Variants in IRS2 observed in about 807,000 individuals in gnomAD.
IRS2 encodes the protein insulin receptor substrate 2.
IRS2 carries 28 observed loss-of-function variants against 70.9 expected under a neutral mutation model. That is an observed-to-expected ratio of 0.39 (90% confidence interval 0.29 to 0.54). IRS2 has a LOEUF of 0.54. IRS2 is among the 20% of genes least tolerant of loss of function. The probability of loss-of-function intolerance (pLI) is 0.59; values close to 1 mark genes in which losing one functional copy is unlikely to be tolerated. For synonymous variants in IRS2, 1,217 were observed against 981.9 expected (o/e 1.24, Z -4.48); for missense variants, 2,081 against 2,024.1 (o/e 1.03, Z -0.54).
At chr13:109,759,616 A>G (rs1877184551) in intron 1 of IRS2, among the ~76,000 whole-genome samples, 1 of 152,186 alleles carries the variant, frequency 6.6e-6, no homozygotes, top group South Asian at 2.1e-4. Context: ...TAGAGAAAGA[A>G]GGTCTAAGAC....
At chr13:109,768,936 G>C (rs1046177406) in intron 1 of IRS2, among the ~76,000 whole-genome samples, 5 of 152,152 alleles carry the variant, frequency 3.3e-5, no homozygotes, top group African/African-American at 7.2e-5. Context: ...CCTACGCATA[G>C]GTTATTGGGA....
intron 1 of IRS2, among the ~76,000 whole-genome samples, chr13:109,781,437 C>A (rs1877695231): frequency 6.6e-6 from 1 of 152,186 alleles, no homozygotes; most frequent in Non-Finnish European, 1.5e-5. Flanking sequence ...TCACCCCTTC[C>A]GAGAAAAACA....
In IRS2 at chr13:109,783,302, C is replaced by T. The variant is rs1441639943; in HGVS notation, c.2752G>A (p.Glu918Lys). Reference protein sequence around the residue: ...PLPPEPKSPGEYINIDFGEPG... With the variant: ...PLPPEPKSPGKYINIDFGEPG... ...TCGCCAAAGTCGATGTTGATGTACT[C>T]GCCGGGGCTCTTGGGCTCCGGTGGC... Residue 918 changes from glutamate to lysine, a missense_variant, in exon 1 of 2, where the codon GAG (glutamate) becomes AAG (lysine). Physicochemically the swap from Glu to Lys is moderately conservative, Grantham distance 56 (BLOSUM62 1). Around this residue, in one of 4 missense-constraint regions of IRS2, gnomAD observed 1,615 missense variants for 1,459.5 expected, o/e 1.11. Transcript: ENST00000375856. The T allele has an allele frequency of 2.0e-6, 3 of 1,537,826 alleles. No individual in the cohort carries two copies. The highest frequency in any genetic ancestry group is 1.7e-6 in the Non-Finnish European group (2 of 1,151,702).
rs1877794048 is a variant in IRS2 at position 109,783,505 on chromosome 13, G to A, written c.2549C>T (p.Ala850Val). 3.2e-6 allele frequency: 5 copies of A among 1,546,954 alleles called. No individual in the cohort carries two copies. The South Asian group carries it at 3.6e-5, about 11-fold the overall frequency. ...EPQATPGPSQ[A>V]ASAFGAGPTQ... The stretch of plus-strand genomic sequence containing the variant: ...GGGGCCGGCCCCGAAGGCGCTGGCC[G>A]CCTGGCTGGGCCCTGGCGTGGCCTG... The change falls in exon 1 of 2, where the codon GCG becomes GTG. Residue 850 changes from alanine (A) to valine (V), a missense_variant. Ala to Val is a moderately conservative substitution (Grantham distance 64). Around this residue, in one of 4 missense-constraint regions of IRS2, gnomAD observed 1,615 missense variants for 1,459.5 expected, o/e 1.11. Transcript: ENST00000375856.
chr13:109,779,527 C>T (rs1413689460), intron 1 of IRS2, among the ~76,000 whole-genome samples: 1 of 152,184 alleles, frequency 6.6e-6, no homozygotes, highest in East Asian at 1.9e-4. Context: ...TTCCTAAATG[C>T]TTCCTTTCTG....
intron 1 of IRS2, among the ~76,000 whole-genome samples, chr13:109,770,660 A>T (rs527880632): frequency 6.6e-6 from 1 of 152,212 alleles, no homozygotes; most frequent in East Asian, 1.9e-4. Context: ...GTGGACACTT[A>T]TGAAAAGGAT....
Position 109,783,633 on chromosome 13 carries a change from G to T in IRS2, c.2421C>A (p.Pro807=), listed in dbSNP as rs371833656. Residue 807 remains proline (P), a synonymous_variant, in exon 1 of 2, where the codon CCC becomes CCA. Coordinates refer to ENST00000375856, the MANE Select transcript of IRS2 (RefSeq NM_003749.3). ...GVPGCCYSSL[P]RSYKAPYTCG... is the part of the protein sequence containing the mutation. The stretch of plus-strand genomic sequence containing the variant: ...AGGTGTAGGGGGCCTTGTAGGAGCG[G>T]GGCAAGGAGCTGTAGCAGCAGCCGG... 6.4e-7 allele frequency: 1 copy of T among 1,551,228 alleles called. No homozygotes were observed. Among genetic ancestry groups the T allele is most frequent in the East Asian group, 2.4e-5 (1 of 41,246 alleles).
At chr13:109,772,756 C>T (rs111379291) in intron 1 of IRS2, among the ~76,000 whole-genome samples, 4,052 of 147,586 alleles carry the variant, frequency 0.027, 171 homozygotes, top group African/African-American at 0.094. Context: ...ACTGCAGTGG[C>T]GCGATCTCGG....
rs1877043842 is a variant in IRS2, at chr13:109,753,751, A to G, written c.*2553T>C. The stretch of plus-strand genomic sequence containing the variant: ...ATCCAAGTATTTTTAGGAGCCTAGT[A>G]TTTCCTCACTTACTCCCAAACTCTA... On this transcript the variant is annotated 3_prime_UTR_variant, in exon 2 of 2. Transcript: ENST00000375856. 5.1e-6 allele frequency: 1 copy of G among 194,870 alleles called. No individual in the cohort carries two copies. The highest frequency in any genetic ancestry group is 1.1e-5 in the Non-Finnish European group (1 of 93,578). The allele number at this position is 194,870 out of a possible 1,614,324, so 12.1% of individuals were successfully genotyped here. A position where few individuals can be genotyped will look rare whatever the true frequency, so the allele number is the denominator to read the frequency against.
intron 1 of IRS2, among the ~76,000 whole-genome samples, chr13:109,772,932 T>TG (rs1421974309): frequency 6.6e-6 from 1 of 151,868 alleles, no homozygotes; most frequent in African/African-American, 2.4e-5. Flanking sequence ...CCTGACCTCA[T>TG]GATCCACCCG....
chr13:109,756,090 T>A lies in IRS2; in HGVS notation c.*214A>T. ...ACAAAACAAAACGCAAACAGCACAA[T>A]GATGAATGCCCCATCCGGGAACAAG... On this transcript the variant is annotated 3_prime_UTR_variant, in exon 2 of 2. Transcript: ENST00000375856. 1 of 544,230 alleles carries A rather than the reference T, an allele frequency of 1.8e-6. No homozygotes were observed. The highest frequency in any genetic ancestry group is 3.3e-6 in the Non-Finnish European group (1 of 302,570). The allele number at this position is 544,230 out of a possible 1,614,324, so 33.7% of individuals were successfully genotyped here.
chr13:109,770,813 A>G (rs1446416187), intron 1 of IRS2, among the ~76,000 whole-genome samples: 1 of 152,200 alleles, frequency 6.6e-6, no homozygotes, highest in Non-Finnish European at 1.5e-5. Context: ...CTGAACTCTC[A>G]ATACATTGAT....
chr13:109,777,255 A>G (rs1280694497), intron 1 of IRS2, among the ~76,000 whole-genome samples: 1 of 152,160 alleles, frequency 6.6e-6, no homozygotes, highest in Non-Finnish European at 1.5e-5. Context: ...TACTCCCCCT[A>G]GAAAAAAACC....
chr13:109,758,178 AC>A (rs1460394273), intron 1 of IRS2, among the ~76,000 whole-genome samples: 8 of 152,274 alleles, frequency 5.3e-5, no homozygotes, highest in Non-Finnish European at 1.2e-4. Context: ...CTAAAAAAAA[AC>A]AGGCATTTGC....
At position 109,785,175 on chromosome 13, in the gene IRS2, C is replaced by G. The variant is rs138814607; in HGVS notation, c.879G>C (p.Ala293=). 1 of 1,600,738 alleles carries G rather than the reference C, an allele frequency of 6.2e-7. No homozygotes were observed. Among genetic ancestry groups the G allele is most frequent in the Admixed American group, 1.7e-5 (1 of 58,618 alleles). The change falls in exon 1 of 2, where the codon GCG becomes GCC. Residue 293 remains alanine (A), a synonymous_variant. Coordinates refer to ENST00000375856, the MANE Select transcript of IRS2 (RefSeq NM_003749.3). The surrounding 1 kb of genome is among the most constrained non-coding windows in gnomAD (Gnocchi z 9.3). ...IHETILEAMK[A]LKELFEFRPR... ...GCCGGAACTCGAAGAGCTCCTTGAG[C>G]GCCTTCATGGCCTCCAGGATGGTCT... is the stretch of plus-strand genomic sequence containing the variant.
At chr13:109,767,185 G>A (rs868749949) in intron 1 of IRS2, among the ~76,000 whole-genome samples, 3 of 152,134 alleles carry the variant, frequency 2.0e-5, no homozygotes, top group Admixed American at 6.5e-5. Flanking sequence ...TCAGAGTGAG[G>A]ACAGGCCCCT....
At chr13:109,764,222 G>A (rs1877287238) in intron 1 of IRS2, among the ~76,000 whole-genome samples, 1 of 152,180 alleles carries the variant, frequency 6.6e-6, no homozygotes, top group African/African-American at 2.4e-5. Context: ...CCCCATCTCT[G>A]TACTTTAAAC....
intron 1 of IRS2, among the ~76,000 whole-genome samples, chr13:109,769,378 C>T (rs1171307005): frequency 1.3e-5 from 2 of 152,208 alleles, no homozygotes; most frequent in African/African-American, 4.8e-5. Flanking sequence ...TGGTCCCTTA[C>T]TACCTCTTTC....
At position 109,771,955 on chromosome 13, in the gene IRS2, T is replaced by C. The variant is rs182137921; in HGVS notation, c.4012+10087A>G. 2.2e-4 allele frequency among the ~76,000 whole-genome samples: 33 copies of C among 152,404 alleles called. 1 individual carries two copies. The East Asian group carries it at 6.0e-3, about 28-fold the overall frequency. The stretch of plus-strand genomic sequence containing the variant: ...TGGAGTTTCTAAAGGATTATGTGCA[T>C]GGTTTTTAAATTTAGTAAAGAAATT... On this transcript the variant is annotated intron_variant, in intron 1 of 1. Transcript: ENST00000375856.
Sources: gnomAD v4.1 joint callset for allele counts (sites outside exome capture counted in the v4.1 genomes callset) on GRCh38, gnomAD v4.1.1 for gene constraint, gnomAD v4.1.1 regional missense constraint, Gnocchi (gnomAD v3.1) non-coding constraint, MANE v1.5 for transcripts, NCBI Gene and HGNC (gene_info 2026-07-23, HGNC 2026-07-21) for gene names.